DAB1: variants seen among roughly 807,000 people sequenced by gnomAD.
DAB1 encodes DAB adaptor protein 1, also known as disabled homolog 1.
DAB1 carries 15 observed loss-of-function variants against 64.6 expected under a neutral mutation model. That is an observed-to-expected ratio of 0.23 (90% CI 0.16 to 0.36). DAB1 has a LOEUF of 0.36. DAB1 is among the 10% of genes least tolerant of loss of function. The probability of loss-of-function intolerance (pLI) is 1.00; values close to 1 mark genes in which losing one functional copy is unlikely to be tolerated. For synonymous variants in DAB1, 235 were observed against 251.9 expected (o/e 0.93, Z 0.64); for missense variants, 596 against 706.7 (o/e 0.84, Z 1.78).
chr1:57,106,262 C>CCCA (rs1553142627), intron 4 of DAB1, among the ~76,000 whole-genome samples: 1 of 151,288 alleles, frequency 6.6e-6, no homozygotes, highest in African/African-American at 2.4e-5. Flanking sequence ...CTAACACCCC[C>CCCA]CCCCATCAGT....
intron 6 of DAB1, among the ~76,000 whole-genome samples, chr1:57,680,883 T>C (rs981345778): frequency 2.0e-5 from 3 of 152,214 alleles, no homozygotes; most frequent in African/African-American, 7.2e-5. Flanking sequence ...AAGTAAGTAA[T>C]TTTAACCTAT....
At chr1:57,622,779 G>T (rs1645876166) in intron 7 of DAB1, among the ~76,000 whole-genome samples, 2 of 152,298 alleles carry the variant, frequency 1.3e-5, no homozygotes, top group Non-Finnish European at 2.9e-5. Flanking sequence ...TCTCTATGAA[G>T]TGTATGAGAA....
intron 6 of DAB1, among the ~76,000 whole-genome samples, chr1:57,695,580 G>T (rs1168509933): frequency 1.3e-5 from 2 of 152,082 alleles, no homozygotes; most frequent in Non-Finnish European, 2.9e-5. Flanking sequence ...TGCCTTGGGA[G>T]GTTGTGAATC....
intron 3 of DAB1, among the ~76,000 whole-genome samples, chr1:58,450,842 C>T (rs1645127762): frequency 6.6e-6 from 1 of 152,182 alleles, no homozygotes; most frequent in African/African-American, 2.4e-5. Context: ...AGGTTAAAGT[C>T]AGCAGTTATG....
chr1:57,549,252 T>C (rs767738062), intron 7 of DAB1, among the ~76,000 whole-genome samples: 22 of 152,204 alleles, frequency 1.4e-4, no homozygotes, highest in Non-Finnish European at 3.1e-4. Flanking sequence ...TCTGCAATTG[T>C]AAACTTCTCC....
chr1:57,923,677 C>T (rs1191954683), intron 5 of DAB1, among the ~76,000 whole-genome samples: 3 of 152,170 alleles, frequency 2.0e-5, no homozygotes, highest in Non-Finnish European at 2.9e-5. Flanking sequence ...GGGAATGAGC[C>T]TGTGTCTCAA....
chr1:57,252,687 G>A (rs1570059972), intron 2 of DAB1, among the ~76,000 whole-genome samples: 1 of 152,096 alleles, frequency 6.6e-6, no homozygotes, highest in African/African-American at 2.4e-5. Context: ...AGATGATTTG[G>A]TCACTGAGAA....
chr1:57,828,827 G>GA (rs1316183979), intron 1 of DAB1, among the ~76,000 whole-genome samples: 4 of 152,108 alleles, frequency 2.6e-5, no homozygotes, highest in African/African-American at 4.8e-5. Flanking sequence ...TACACTCTTA[G>GA]AAAAAAGGCT....
At chr1:58,175,905 A>C (rs2100775046) in intron 4 of DAB1, among the ~76,000 whole-genome samples, 1 of 152,324 alleles carries the variant, frequency 6.6e-6, no homozygotes, top group Admixed American at 6.5e-5. Flanking sequence ...TCACACCATA[A>C]AAAATATATA....
chr1:57,691,446 C>T (rs532858846), intron 6 of DAB1, among the ~76,000 whole-genome samples: 4 of 152,226 alleles, frequency 2.6e-5, no homozygotes, highest in East Asian at 1.9e-4. Flanking sequence ...GCTGGCCACC[C>T]GAGACAGCAG....
chr1:58,491,721 T>A (rs1019306420), intron 3 of DAB1, among the ~76,000 whole-genome samples: 66 of 152,186 alleles, frequency 4.3e-4, no homozygotes, highest in Non-Finnish European at 8.2e-4. Context: ...CTAACTATCC[T>A]AAATATATAT....
chr1:57,372,953 G>T (rs1680615210), intron 1 of DAB1, among the ~76,000 whole-genome samples: 1 of 151,740 alleles, frequency 6.6e-6, no homozygotes, highest in African/African-American at 2.4e-5. Flanking sequence ...GAGGTGAGAG[G>T]ATCATTTGAG....
intron 1 of DAB1, among the ~76,000 whole-genome samples, chr1:57,366,733 A>C (rs1680026970): frequency 6.6e-6 from 1 of 152,192 alleles, no homozygotes; most frequent in Admixed American, 6.5e-5. Flanking sequence ...TCTGACCTTA[A>C]AGATAATGAA....
intron 4 of DAB1, among the ~76,000 whole-genome samples, chr1:57,106,465 A>T (rs1420221363): frequency 6.6e-6 from 1 of 152,128 alleles, no homozygotes; most frequent in Non-Finnish European, 1.5e-5. Flanking sequence ...TATAAACAAC[A>T]AGCATAACCC....
At chr1:57,541,121 A>C (rs933190989) in intron 7 of DAB1, among the ~76,000 whole-genome samples, 1 of 151,598 alleles carries the variant, frequency 6.6e-6, no homozygotes, top group Non-Finnish European at 1.5e-5. Flanking sequence ...ATCAAAAAAA[A>C]CTTTTCTTTC....
chr1:58,384,252 GA>G (rs200338607), intron 3 of DAB1, among the ~76,000 whole-genome samples: 7 of 150,550 alleles, frequency 4.6e-5, no homozygotes, highest in East Asian at 1.9e-4. Context: ...GATGGACTTG[GA>G]AAAAAAAATA....
At chr1:58,373,900 G>A (rs1644296836) in intron 3 of DAB1, among the ~76,000 whole-genome samples, 3 of 150,132 alleles carry the variant, frequency 2.0e-5, no homozygotes, top group African/African-American at 7.4e-5. Flanking sequence ...ATCTCATAGT[G>A]GTTTTGATTT....
intron 1 of DAB1, among the ~76,000 whole-genome samples, chr1:57,360,931 T>G (rs919882614): frequency 6.6e-6 from 1 of 152,174 alleles, no homozygotes; most frequent in Non-Finnish European, 1.5e-5. Flanking sequence ...ACTTTTTATA[T>G]GTCGCCTATT....
chr1:58,154,678 G>A (rs181027267), intron 4 of DAB1, among the ~76,000 whole-genome samples: 4 of 152,240 alleles, frequency 2.6e-5, no homozygotes, highest in Admixed American at 2.0e-4. Flanking sequence ...TCCAGAAAAG[G>A]GGAGTAATTG....
Sources: allele counts gnomAD v4.1 joint callset (sites outside exome capture counted in the v4.1 genomes callset), GRCh38; gene constraint gnomAD v4.1.1; transcripts MANE v1.5; gene names NCBI Gene and HGNC (gene_info 2026-07-23, HGNC 2026-07-21).